Variants in HNRNPA0 observed in about 807,000 individuals in gnomAD.
HNRNPA0 encodes hnRNA binding protein.
For missense variants in HNRNPA0, 252 were observed against 433.7 expected, an observed-to-expected ratio of 0.58 and a Z score of 3.72; for synonymous variants, 243 against 195.5, an observed-to-expected ratio of 1.24 and a Z score of -2.03.
rs1257773786 is a variant in HNRNPA0 at position 137,746,764 on chromosome 5, G to A, written c.*6385C>T. 5.9e-5 allele frequency: 9 copies of A among 152,098 alleles called. No individual in the cohort carries two copies. The highest frequency in any genetic ancestry group is 2.2e-4 in the African/African-American group (9 of 41,384). The allele number at this position is 152,098 out of a possible 1,614,324, so 9.4% of individuals were successfully genotyped here. A position where few individuals can be genotyped will look rare whatever the true frequency, so the allele number is the denominator to read the frequency against. On this transcript the variant is annotated 3_prime_UTR_variant, in exon 1 of 1. Transcript: ENST00000314940. ...CCAGTAAAATATAAGCTCTTTGAGG[G>A]CAGGGATTTTTGTCTTTTTCTTCTG...
rs1229743565 is a variant in HNRNPA0 at position 137,751,749 on chromosome 5, T to G, written c.*1400A>C. The stretch of plus-strand genomic sequence containing the variant: ...TTGTTAACCAAGCAGAATACACAGA[T>G]ATTTTGCTTTACAACTTGCACCTAA... On this transcript the variant is annotated 3_prime_UTR_variant, in exon 1 of 1. Transcript: ENST00000314940. The G allele has an allele frequency of 6.6e-6, 1 of 152,626 alleles. No homozygotes were observed. Among genetic ancestry groups the G allele is most frequent in the Non-Finnish European group, 1.5e-5 (1 of 68,030 alleles). 9.5% of individuals were successfully genotyped at this position (152,626 alleles called of 1,614,324 possible). A position where few individuals can be genotyped will look rare whatever the true frequency, so the allele number is the denominator to read the frequency against.
Position 137,748,532 on chromosome 5 carries a change from A to G in HNRNPA0, c.*4617T>C, listed in dbSNP as rs1171499178. 6.6e-6 allele frequency: 1 copy of G among 152,182 alleles called. No homozygotes were observed. 9.4% of individuals were successfully genotyped at this position (152,182 alleles called of 1,614,324 possible). ...GGGCCATATAGTAAAATTACTGTGT[A>G]CCAGAGACTACAGTAAGCCCTTCTT... On this transcript the variant is annotated 3_prime_UTR_variant, in exon 1 of 1. Transcript: ENST00000314940.
rs1186484424 is a variant in HNRNPA0 at position 137,753,431 on chromosome 5, G to A, written c.636C>T (p.Gly212=). ...GGRDQNGLSK[G]GGGGYNSYGG... ...CGTAGCTGTTGTAACCGCCGCCGCCGCCCTTGGAAAGGCCGTTCTGGTCTC... is the reference window on the plus strand; with the variant it reads ...CGTAGCTGTTGTAACCGCCGCCGCCACCCTTGGAAAGGCCGTTCTGGTCTC... Residue 212 remains glycine (G), a synonymous_variant, in exon 1 of 1, where the codon GGC becomes GGT. Coordinates refer to ENST00000314940, the MANE Select transcript of HNRNPA0 (RefSeq NM_006805.4). This position sits in a 1 kb window ranked among gnomAD's most constrained non-coding sequence, Gnocchi z 6.1. 2 of 1,552,642 alleles carry A rather than the reference G, an allele frequency of 1.3e-6. No individual in the cohort carries two copies. Among genetic ancestry groups the A allele is most frequent in the East Asian group, 2.4e-5 (1 of 40,954 alleles).
Position 137,754,334 on chromosome 5 carries a change from C to T in HNRNPA0, c.-268G>A. On this transcript the variant is annotated 5_prime_UTR_variant, in exon 1 of 1. Transcript: ENST00000314940. ...CCGCTACCGCCGCCGCCGCCACCTC[C>T]GCTCCCCTATCTGGGCACCACACAA... is the stretch of plus-strand genomic sequence containing the variant. 1 of 496,288 alleles carries T rather than the reference C, an allele frequency of 2.0e-6. No homozygotes were observed. Among genetic ancestry groups the T allele is most frequent in the Non-Finnish European group, 3.7e-6 (1 of 270,284 alleles). The allele number at this position is 496,288 out of a possible 1,614,324, so 30.7% of individuals were successfully genotyped here. A position where few individuals can be genotyped will look rare whatever the true frequency, so the allele number is the denominator to read the frequency against.
chr5:137,753,125 C>T lies in HNRNPA0; in HGVS notation c.*24G>A, dbSNP rs1205167708. ...TTGGAAAGAGCTACCCCTATAGCCACTCCCAGGCATTTTAAATTTTCTTTT... is the reference window on the plus strand; with the variant it reads ...TTGGAAAGAGCTACCCCTATAGCCATTCCCAGGCATTTTAAATTTTCTTTT... On this transcript the variant is annotated 3_prime_UTR_variant, in exon 1 of 1. Transcript: ENST00000314940. This position sits in a 1 kb window ranked among gnomAD's most constrained non-coding sequence, Gnocchi z 6.1. 1 of 1,601,172 alleles carries T rather than the reference C, an allele frequency of 6.2e-7. No homozygotes were observed. The highest frequency in any genetic ancestry group is 1.3e-5 in the African/African-American group (1 of 74,678).
chr5:137,754,175 G>T lies in HNRNPA0; in HGVS notation c.-109C>A. On this transcript the variant is annotated 5_prime_UTR_variant, in exon 1 of 1. Transcript: ENST00000314940. The stretch of plus-strand genomic sequence containing the variant: ...CAGCTTGGGCCCAGCCGTTGCTGGA[G>T]CCACCCCCGCCGCTCACCGACGGGG... 7.3e-7 allele frequency: 1 copy of T among 1,374,382 alleles called. No homozygotes were observed. Among genetic ancestry groups the T allele is most frequent in the Non-Finnish European group, 9.7e-7 (1 of 1,032,934 alleles). The allele number at this position is 1,374,382 out of a possible 1,614,324, so 85.1% of individuals were successfully genotyped here. A position where few individuals can be genotyped will look rare whatever the true frequency, so the allele number is the denominator to read the frequency against.
In HNRNPA0 at chr5:137,754,287, G is replaced by C. The variant is rs1753563713; in HGVS notation, c.-221C>G. The C allele has an allele frequency of 4.8e-6, 3 of 619,216 alleles. No individual in the cohort carries two copies. The highest frequency in any genetic ancestry group is 5.9e-5 in the East Asian group (2 of 34,188). The allele number at this position is 619,216 out of a possible 1,614,324, so 38.4% of individuals were successfully genotyped here. ...TGCCGGCTAAAGGGCGAGCCGAGGA[G>C]ACTGGAAGACAACCAAGGCCACCGC... On this transcript the variant is annotated 5_prime_UTR_variant, in exon 1 of 1. Coordinates refer to ENST00000314940, the MANE Select transcript of HNRNPA0 (RefSeq NM_006805.4).
rs1038338394 is a variant in HNRNPA0, at chr5:137,748,118, C to T, written c.*5031G>A. On this transcript the variant is annotated 3_prime_UTR_variant, in exon 1 of 1. Transcript: ENST00000314940. ...TAGTGTTTGGCATCCAATATGCATACTTCTCCAAATACGCTCCATGTTTCT... is the reference window on the plus strand; with the variant it reads ...TAGTGTTTGGCATCCAATATGCATATTTCTCCAAATACGCTCCATGTTTCT... 1.3e-5 allele frequency: 2 copies of T among 152,186 alleles called. No homozygotes were observed. Among genetic ancestry groups the T allele is most frequent in the African/African-American group, 4.8e-5 (2 of 41,456 alleles). The allele number at this position is 152,186 out of a possible 1,614,324, so 9.4% of individuals were successfully genotyped here.
In HNRNPA0 at chr5:137,754,180, C is replaced by A. The variant is rs1246058097; in HGVS notation, c.-114G>T. On this transcript the variant is annotated 5_prime_UTR_variant, in exon 1 of 1. Transcript: ENST00000314940. ...TGGGCCCAGCCGTTGCTGGAGCCAC[C>A]CCCGCCGCTCACCGACGGGGAAGGG... The A allele has an allele frequency of 1.5e-6, 2 of 1,361,938 alleles. No homozygotes were observed. Among genetic ancestry groups the A allele is most frequent in the Admixed American group, 5.7e-5 (2 of 34,876 alleles). 84.4% of individuals were successfully genotyped at this position (1,361,938 alleles called of 1,614,324 possible).
rs1442437216 is a variant in HNRNPA0 at position 137,747,053 on chromosome 5, A to G, written c.*6096T>C. The G allele has an allele frequency of 6.6e-6, 1 of 152,214 alleles. No individual in the cohort carries two copies. Among genetic ancestry groups the G allele is most frequent in the Non-Finnish European group, 1.5e-5 (1 of 68,028 alleles). 9.4% of individuals were successfully genotyped at this position (152,214 alleles called of 1,614,324 possible). Reference sequence around the variant, plus strand: ...ACAAGGGTATGGGCACAGTTAAGGCAAATCAACAAGGTTTGAACCTTCTTG... The same window carrying G: ...ACAAGGGTATGGGCACAGTTAAGGCGAATCAACAAGGTTTGAACCTTCTTG... On this transcript the variant is annotated 3_prime_UTR_variant, in exon 1 of 1. Coordinates refer to ENST00000314940, the MANE Select transcript of HNRNPA0 (RefSeq NM_006805.4).
At position 137,753,438 on chromosome 5, in the gene HNRNPA0, G is replaced by A. The variant is rs752777329; in HGVS notation, c.629C>T (p.Ser210Phe). The part of the protein sequence containing the change: ...RGGGRDQNGL[S>F]KGGGGGYNSY... ...GTTGTAACCGCCGCCGCCGCCCTTGGAAAGGCCGTTCTGGTCTCGACCACC... is the reference window on the plus strand; with the variant it reads ...GTTGTAACCGCCGCCGCCGCCCTTGAAAAGGCCGTTCTGGTCTCGACCACC... The change falls in exon 1 of 1, where the codon TCC becomes TTC. Residue 210 changes from serine to phenylalanine, a missense_variant. Coordinates refer to ENST00000314940, the MANE Select transcript of HNRNPA0 (RefSeq NM_006805.4). This position sits in a 1 kb window ranked among gnomAD's most constrained non-coding sequence, Gnocchi z 6.1. The A allele has an allele frequency of 1.9e-6, 3 of 1,554,136 alleles. No individual in the cohort carries two copies. The highest frequency in any genetic ancestry group is 2.3e-5 in the South Asian group (2 of 85,298).
chr5:137,747,926 T>G lies in HNRNPA0; in HGVS notation c.*5223A>C, dbSNP rs1753436082. On this transcript the variant is annotated 3_prime_UTR_variant, in exon 1 of 1. Transcript: ENST00000314940. ...TTGTTAGCTGGAAGTCAATGAAGCTTAGTAGAAGGAGCGAAACAACTAGAA... is the reference window on the plus strand; with the variant it reads ...TTGTTAGCTGGAAGTCAATGAAGCTGAGTAGAAGGAGCGAAACAACTAGAA... 1 of 152,200 alleles carries G rather than the reference T, an allele frequency of 6.6e-6. No homozygotes were observed. The highest frequency in any genetic ancestry group is 1.5e-5 in the Non-Finnish European group (1 of 68,016). 9.4% of individuals were successfully genotyped at this position (152,200 alleles called of 1,614,324 possible). A position where few individuals can be genotyped will look rare whatever the true frequency, so the allele number is the denominator to read the frequency against.
Position 137,753,406 on chromosome 5 carries a change from C to T in HNRNPA0, c.661G>A (p.Gly221Ser), listed in dbSNP as rs535931499. The change falls in exon 1 of 1, where the codon GGT becomes AGT. Residue 221 changes from glycine to serine, a missense_variant. Physicochemically the swap from Gly to Ser is moderately conservative, Grantham distance 56 (BLOSUM62 0). Coordinates refer to ENST00000314940, the MANE Select transcript of HNRNPA0 (RefSeq NM_006805.4). The surrounding 1 kb of genome is among the most constrained non-coding windows in gnomAD (Gnocchi z 6.1). ...CCGCCTCCGCCGCCGCCGTAACCAC[C>T]GTAGCTGTTGTAACCGCCGCCGCCG... ...KGGGGGYNSY[G>S]GYGGGGGGGY... 132 of 1,548,820 alleles carry T rather than the reference C, an allele frequency of 8.5e-5. 2 individuals are homozygous for T. The South Asian group carries it at 1.5e-3, about 17-fold the overall frequency.
In HNRNPA0 at chr5:137,754,006, A is replaced by C. The variant is rs1753556434; in HGVS notation, c.61T>G (p.Ser21Ala). The C allele has an allele frequency of 6.2e-7, 1 of 1,613,784 alleles. No individual in the cohort carries two copies. Among genetic ancestry groups the C allele is most frequent in the Non-Finnish European group, 8.5e-7 (1 of 1,179,942 alleles). Reference protein sequence around the residue: ...IGGLNVQTSESGLRGHFEAFG... With the variant: ...IGGLNVQTSEAGLRGHFEAFG... ...GCCTCAAAGTGGCCGCGCAGGCCCG[A>C]CTCACTCGTCTGCACATTGAGGCCG... The change falls in exon 1 of 1, where the codon TCG becomes GCG. Residue 21 changes from serine (S) to alanine (A), a missense_variant. Coordinates refer to ENST00000314940, the MANE Select transcript of HNRNPA0 (RefSeq NM_006805.4).
chr5:137,750,971 G>A lies in HNRNPA0; in HGVS notation c.*2178C>T, dbSNP rs1441568812. On this transcript the variant is annotated 3_prime_UTR_variant, in exon 1 of 1. Transcript: ENST00000314940. Reference sequence around the variant, plus strand: ...CAGAGTAGTATTTAACAATTACAACGAAAAATTTCAGAGAATCATTTTCTG... The same window carrying A: ...CAGAGTAGTATTTAACAATTACAACAAAAAATTTCAGAGAATCATTTTCTG... 1 of 152,002 alleles carries A rather than the reference G, an allele frequency of 6.6e-6. No individual in the cohort carries two copies. Among genetic ancestry groups the A allele is most frequent in the East Asian group, 1.9e-4 (1 of 5,188 alleles). The allele number at this position is 152,002 out of a possible 1,614,324, so 9.4% of individuals were successfully genotyped here. A position where few individuals can be genotyped will look rare whatever the true frequency, so the allele number is the denominator to read the frequency against.
chr5:137,753,116 CT>C lies in HNRNPA0; in HGVS notation c.*32del. 2 of 1,590,300 alleles carry C rather than the reference CT, an allele frequency of 1.3e-6. No individual in the cohort carries two copies. The highest frequency in any genetic ancestry group is 1.7e-6 in the Non-Finnish European group (2 of 1,167,458). ...CTTGGGCTGTTGGAAAGAGCTACCC[CT>C]ATAGCCACTCCCAGGCATTTTAAAT... On this transcript the variant is annotated 3_prime_UTR_variant, in exon 1 of 1. Coordinates refer to ENST00000314940, the MANE Select transcript of HNRNPA0 (RefSeq NM_006805.4). This position sits in a 1 kb window ranked among gnomAD's most constrained non-coding sequence, Gnocchi z 6.1.
chr5:137,753,357 C>A lies in HNRNPA0; in HGVS notation c.710G>T (p.Gly237Val), dbSNP rs1361823408. The A allele has an allele frequency of 6.5e-7, 1 of 1,550,326 alleles. No individual in the cohort carries two copies. The highest frequency in any genetic ancestry group is 8.7e-7 in the Non-Finnish European group (1 of 1,147,038). ...GGGGYNAYGG[G>V]GGGSSYGGSD... ...CCCACCGTAGGACGAACCGCCGCCG[C>A]CGCCTCCGTAGGCATTGTAGCCGCC... Residue 237 changes from glycine to valine, a missense_variant, in exon 1 of 1, where the codon GGC (glycine) becomes GTC (valine). Transcript: ENST00000314940. This position sits in a 1 kb window ranked among gnomAD's most constrained non-coding sequence, Gnocchi z 6.1.
Position 137,746,033 on chromosome 5 carries a change from T to C in HNRNPA0, c.*7116A>G, listed in dbSNP as rs117783221. 1.3e-5 allele frequency: 2 copies of C among 152,292 alleles called. No individual in the cohort carries two copies. The highest frequency in any genetic ancestry group is 3.9e-4 in the East Asian group (2 of 5,184). 9.4% of individuals were successfully genotyped at this position (152,292 alleles called of 1,614,324 possible). On this transcript the variant is annotated 3_prime_UTR_variant, in exon 1 of 1. Transcript: ENST00000314940. ...CACGTGTTCAGATAAGGGCCAACCA[T>C]GCAAGTAGGCCACTCTAAAAGATAC... is the stretch of plus-strand genomic sequence containing the variant.
In HNRNPA0 at chr5:137,754,146, T is replaced by C. The variant is rs1580803172; in HGVS notation, c.-80A>G. Reference sequence around the variant, plus strand: ...CGCCGTTATCGTTGGTTAAGGCCTCTACACAGCTTGGGCCCAGCCGTTGCT... The same window carrying C: ...CGCCGTTATCGTTGGTTAAGGCCTCCACACAGCTTGGGCCCAGCCGTTGCT... On this transcript the variant is annotated 5_prime_UTR_variant, in exon 1 of 1. Coordinates refer to ENST00000314940, the MANE Select transcript of HNRNPA0 (RefSeq NM_006805.4). 1 of 1,487,356 alleles carries C rather than the reference T, an allele frequency of 6.7e-7. No homozygotes were observed. The highest frequency in any genetic ancestry group is 1.3e-5 in the South Asian group (1 of 74,240). The allele number at this position is 1,487,356 out of a possible 1,614,324, so 92.1% of individuals were successfully genotyped here. A position where few individuals can be genotyped will look rare whatever the true frequency, so the allele number is the denominator to read the frequency against.
Sources: allele counts gnomAD v4.1 joint callset, GRCh38; gene constraint gnomAD v4.1.1; non-coding constraint Gnocchi (gnomAD v3.1); transcripts MANE v1.5; gene names NCBI Gene and HGNC (gene_info 2026-07-23, HGNC 2026-07-21).